The following RUNX2 variants were observed in gnomAD, a reference collection of about 807,000 sequenced individuals.
RUNX2 encodes runt-related transcription factor 2.
A neutral mutation model predicts 51.7 loss-of-function variants in RUNX2; 10 were observed. The ratio of observed to expected loss-of-function variants is 0.19; its 90% CI spans 0.12 to 0.33. RUNX2 has a LOEUF of 0.33. RUNX2 is among the 10% of genes least tolerant of loss of function. The pLI is 1.00. For synonymous variants in RUNX2, 276 were observed against 273.6 expected (o/e 1.01, Z -0.09); for missense variants, 562 against 691.3 (o/e 0.81, Z 2.10).
intron 5 of RUNX2, among the ~76,000 whole-genome samples, chr6:45,480,844 C>CT (rs1243309625): frequency 5.9e-5 from 9 of 152,224 alleles, no homozygotes; most frequent in Non-Finnish European, 1.0e-4. Context: ...TCTCCGCCTC[C>CT]TTTTTTCTGT....
rs192068591 is a variant in RUNX2, at chr6:45,489,452, C to G, written c.686-2489C>G. On this transcript the variant is annotated intron_variant, in intron 5 of 8. Transcript: ENST00000647337. ...ACATCTCATACAGCCTCTAGGAAAA[C>G]CTAATGAAAAGGCTATAGAAAGCAG... 2.4e-3 allele frequency among the ~76,000 whole-genome samples: 366 copies of G among 152,202 alleles called. 4 individuals are homozygous for G. The highest frequency in any genetic ancestry group is 1.3e-3 in the Non-Finnish European group (87 of 68,006).
chr6:45,485,395 T>C (rs774713024), intron 5 of RUNX2, among the ~76,000 whole-genome samples: 4 of 150,806 alleles, frequency 2.7e-5, no homozygotes, highest in Non-Finnish European at 5.9e-5. Flanking sequence ...AGAAACGGGG[T>C]TTCTCAATGT....
chr6:45,333,757 T>C (rs557853478), intron 2 of RUNX2, among the ~76,000 whole-genome samples: 32 of 151,446 alleles, frequency 2.1e-4, no homozygotes, highest in Admixed American at 6.6e-5. Flanking sequence ...ACTTAATACA[T>C]GAAGAGAAAA....
Position 45,338,429 on chromosome 6 carries a change from C to G in RUNX2, c.58+9645C>G, listed in dbSNP as rs1257508670. 2.0e-5 allele frequency among the ~76,000 whole-genome samples: 3 copies of G among 151,816 alleles called. No individual in the cohort carries two copies. In the East Asian group the frequency reaches 5.8e-4, roughly 29 times the overall value. On this transcript the variant is annotated intron_variant, in intron 2 of 8. Transcript: ENST00000647337. ...ATAAAACTGGTATCATTTCTGATTA[C>G]TTCAAATGATCACATATAAGCTTAT...
At chr6:45,538,108 G>A (rs1802092579) in intron 7 of RUNX2, among the ~76,000 whole-genome samples, 1 of 151,966 alleles carries the variant, frequency 6.6e-6, no homozygotes, top group South Asian at 2.1e-4. Flanking sequence ...GTTAGGCTTT[G>A]GTGTCTAATA....
intron 5 of RUNX2, among the ~76,000 whole-genome samples, chr6:45,468,188 TC>T (rs1233270485): frequency 2.0e-5 from 3 of 152,236 alleles, no homozygotes; most frequent in African/African-American, 7.2e-5. Context: ...GGCCAACACC[TC>T]CTTTTTGTAA....
chr6:45,373,635 C>A (rs2150319312), intron 2 of RUNX2, among the ~76,000 whole-genome samples: 1 of 152,240 alleles, frequency 6.6e-6, no homozygotes, highest in Non-Finnish European at 1.5e-5. Flanking sequence ...ACTGCAACCT[C>A]CGCCTCCCGG....
intron 7 of RUNX2, among the ~76,000 whole-genome samples, chr6:45,535,618 A>G (rs765839058): frequency 6.6e-5 from 10 of 151,624 alleles, no homozygotes; most frequent in Non-Finnish European, 1.3e-4. Context: ...AAAAAAAAAG[A>G]AAGAAAAAGA....
Position 45,403,256 on chromosome 6 carries a change from G to A in RUNX2, c.59-19337G>A, listed in dbSNP as rs1362260889. ...TTTTTTTTTTTTTTTTTTTTGAGAC[G>A]GAGTTTTGCTCTTGTTGCCCAGGCT... is the stretch of plus-strand genomic sequence containing the variant. On this transcript the variant is annotated intron_variant, in intron 2 of 8. Transcript: ENST00000647337. 3.7e-5 allele frequency among the ~76,000 whole-genome samples: 5 copies of A among 133,460 alleles called. No individual in the cohort carries two copies. The South Asian group carries it at 9.8e-4, about 26-fold the overall frequency. The allele number at this position is 133,460 out of a possible 152,430, so 87.6% of individuals were successfully genotyped here. A position where few individuals can be genotyped will look rare whatever the true frequency, so the allele number is the denominator to read the frequency against.
chr6:45,511,319 C>G (rs1449132117), intron 6 of RUNX2, among the ~76,000 whole-genome samples: 1 of 152,112 alleles, frequency 6.6e-6, no homozygotes, highest in Non-Finnish European at 1.5e-5. Flanking sequence ...CAGCTGACTG[C>G]CCATTAGTTT....
intron 7 of RUNX2, among the ~76,000 whole-genome samples, chr6:45,529,867 T>A (rs1411792718): frequency 6.6e-6 from 1 of 152,208 alleles, no homozygotes; most frequent in Non-Finnish European, 1.5e-5. Context: ...CCTCTTCAGA[T>A]GAGTGGCTGG....
intron 7 of RUNX2, among the ~76,000 whole-genome samples, chr6:45,532,885 C>T (rs1191069927): frequency 6.7e-6 from 1 of 149,938 alleles, no homozygotes; most frequent in Non-Finnish European, 1.5e-5. Context: ...CGTCCCACAG[C>T]TAGCTAAGCA....
chr6:45,505,831 C>T (rs1468067997), intron 6 of RUNX2, among the ~76,000 whole-genome samples: 1 of 152,174 alleles, frequency 6.6e-6, no homozygotes, highest in Non-Finnish European at 1.5e-5. Context: ...CTTATAAAAT[C>T]GATTCTGACA....
intron 5 of RUNX2, among the ~76,000 whole-genome samples, chr6:45,443,105 GC>G (rs1798889838): frequency 7.9e-6 from 1 of 126,250 alleles, no homozygotes; most frequent in Admixed American, 1.0e-4. Flanking sequence ...GGAGTACAGT[GC>G]CATGATCATA....
At chr6:45,376,516 C>G (rs1796794550) in intron 2 of RUNX2, among the ~76,000 whole-genome samples, 1 of 152,216 alleles carries the variant, frequency 6.6e-6, no homozygotes. Context: ...TGTGCCTAGG[C>G]TACCACTAGT....
chr6:45,400,686 A>G (rs1444541170), intron 2 of RUNX2, among the ~76,000 whole-genome samples: 1 of 152,082 alleles, frequency 6.6e-6, no homozygotes, highest in Non-Finnish European at 1.5e-5. Flanking sequence ...CTCTGCATCT[A>G]TTTACACTTA....
chr6:45,420,083 G>A (rs141745471), intron 2 of RUNX2, among the ~76,000 whole-genome samples: 152 of 152,216 alleles, frequency 1.0e-3, no homozygotes, highest in Non-Finnish European at 1.8e-3. Flanking sequence ...GGACAGAGTA[G>A]TATCCCCTGA....
intron 5 of RUNX2, among the ~76,000 whole-genome samples, chr6:45,461,565 G>T (rs1371188313): frequency 6.6e-6 from 1 of 152,096 alleles, no homozygotes; most frequent in Non-Finnish European, 1.5e-5. Flanking sequence ...TCTTAAGATG[G>T]GGAAACACTC....
chr6:45,475,159 A>G (rs1329761033), intron 5 of RUNX2, among the ~76,000 whole-genome samples: 10 of 151,280 alleles, frequency 6.6e-5, no homozygotes, highest in Non-Finnish European at 1.3e-4. Context: ...AATCTGTTTT[A>G]GGAGATAAGA....
Sources: gnomAD v4.1 joint callset for allele counts (sites outside exome capture counted in the v4.1 genomes callset) on GRCh38, gnomAD v4.1.1 for gene constraint, MANE v1.5 for transcripts, NCBI Gene and HGNC (gene_info 2026-07-23, HGNC 2026-07-21) for gene names.